The following ABTB3 variants were observed in gnomAD, a reference collection of about 807,000 sequenced individuals.
ABTB3 encodes the protein ankyrin repeat and BTB domain containing 3, also known as ankyrin repeat- and BTB/POZ domain-containing protein 3.
the ABTB3 span, among the ~76,000 whole-genome samples, chr12:107,419,141 A>G: frequency 2.4e-4 from 36 of 152,382 alleles, no homozygotes; most frequent in African/African-American, 8.4e-4. Context: ...ATCAACTCAC[A>G]TGATCACATG....
the ABTB3 span, chr12:107,520,597 T>C: frequency 6.2e-7 from 1 of 1,614,152 alleles, no homozygotes; most frequent in Non-Finnish European, 8.5e-7. Flanking sequence ...CATCGAGCAG[T>C]CTTTGCTGGC....
the ABTB3 span, among the ~76,000 whole-genome samples, chr12:107,602,938 C>T: frequency 6.6e-6 from 1 of 152,176 alleles, no homozygotes; most frequent in Non-Finnish European, 1.5e-5. Flanking sequence ...GGCTGGGGCA[C>T]TTGAGAATCA....
chr12:107,618,333 G>A, the ABTB3 span: 51 of 1,613,650 alleles, frequency 3.2e-5, no homozygotes, highest in African/African-American at 1.7e-4. Flanking sequence ...GTATCACAGC[G>A]CTGAGCATGG....
At chr12:107,469,850 TC>T in the ABTB3 span, among the ~76,000 whole-genome samples, 2 of 149,790 alleles carry the variant, frequency 1.3e-5, no homozygotes, top group East Asian at 2.0e-4. Context: ...TCTCTCTCTT[TC>T]TCTTTCTTTC....
chr12:107,573,474 A>G, the ABTB3 span, among the ~76,000 whole-genome samples: 131 of 127,176 alleles, frequency 1.0e-3, no homozygotes, highest in African/African-American at 2.9e-3. Context: ...CGATGGATGG[A>G]TGGATGGATG....
the ABTB3 span, among the ~76,000 whole-genome samples, chr12:107,385,999 T>G: frequency 3.1e-4 from 46 of 149,508 alleles, no homozygotes; most frequent in East Asian, 8.3e-3. Context: ...CTGGTCCAGC[T>G]CCTGTTGTGT....
At chr12:107,524,355 T>C in the ABTB3 span, among the ~76,000 whole-genome samples, 1 of 152,192 alleles carries the variant, frequency 6.6e-6, no homozygotes, top group African/African-American at 2.4e-5. Context: ...AATACAGCCT[T>C]GCTCTCTGTG....
At chr12:107,344,699 TC>T in the ABTB3 span, among the ~76,000 whole-genome samples, 1 of 152,210 alleles carries the variant, frequency 6.6e-6, no homozygotes, top group East Asian at 1.9e-4. Context: ...ATTTTCCAGA[TC>T]ACATTAAGAT....
the ABTB3 span, chr12:107,649,358 G>A: frequency 8.0e-7 from 1 of 1,244,304 alleles, no homozygotes; most frequent in Non-Finnish European, 1.2e-6. Context: ...AGCCTGCATG[G>A]AAGTGTCTGG....
At chr12:107,507,592 C>T in the ABTB3 span, among the ~76,000 whole-genome samples, 3 of 152,212 alleles carry the variant, frequency 2.0e-5, no homozygotes, top group Non-Finnish European at 4.4e-5. Flanking sequence ...CAGCAAAGCA[C>T]TTGAGCCCCT....
At chr12:107,657,523 A>T in the ABTB3 span, 1 of 1,614,154 alleles carries the variant, frequency 6.2e-7, no homozygotes, top group Non-Finnish European at 8.5e-7. Flanking sequence ...TTGGAGTCAC[A>T]GAGCTCTCAG....
At chr12:107,621,170 T>C in the ABTB3 span, among the ~76,000 whole-genome samples, 2 of 152,146 alleles carry the variant, frequency 1.3e-5, no homozygotes, top group East Asian at 3.9e-4. Flanking sequence ...CGAGTCCCAT[T>C]AGGTGTTCTC....
chr12:107,421,882 G>A, the ABTB3 span, among the ~76,000 whole-genome samples: 3 of 152,146 alleles, frequency 2.0e-5, no homozygotes, highest in East Asian at 1.9e-4. Flanking sequence ...TCAGGCTCTC[G>A]ACAAATACTT....
chr12:107,632,971 A>T, the ABTB3 span, among the ~76,000 whole-genome samples: 5 of 152,170 alleles, frequency 3.3e-5, 1 homozygote, highest in African/African-American at 7.2e-5. Flanking sequence ...TCTCTTTGTC[A>T]TCTTGTTCTC....
At chr12:107,492,790 G>C in the ABTB3 span, among the ~76,000 whole-genome samples, 8,028 of 152,184 alleles carry the variant, frequency 0.053, 316 homozygotes, top group East Asian at 0.19. Flanking sequence ...GCATGTTTAG[G>C]GGACAGCCAC....
At chr12:107,401,785 A>G in the ABTB3 span, among the ~76,000 whole-genome samples, 3 of 152,242 alleles carry the variant, frequency 2.0e-5, no homozygotes, top group Non-Finnish European at 2.9e-5. Context: ...TGCTTTATAC[A>G]TAAGAAAATA....
chr12:107,648,629 G>C, the ABTB3 span, among the ~76,000 whole-genome samples: 4 of 152,152 alleles, frequency 2.6e-5, no homozygotes, highest in Admixed American at 2.6e-4. Context: ...GACATCGTTA[G>C]TGATACACAG....
At chr12:107,649,325 C>G in the ABTB3 span, 13 of 1,531,676 alleles carry the variant, frequency 8.5e-6, no homozygotes, top group Non-Finnish European at 1.2e-5. Context: ...GGGTGAGTGG[C>G]ACTTCTGTAA....
At chr12:107,457,142 G>A in the ABTB3 span, among the ~76,000 whole-genome samples, 16 of 152,210 alleles carry the variant, frequency 1.1e-4, no homozygotes, top group South Asian at 6.2e-4. Context: ...GATTACAGGC[G>A]TAAGCCACCG....
Sources: gnomAD v4.1 joint callset for allele counts (sites outside exome capture counted in the v4.1 genomes callset) on GRCh38, gnomAD v4.1.1 for gene constraint, MANE v1.5 for transcripts, NCBI Gene and HGNC (gene_info 2026-07-23, HGNC 2026-07-21) for gene names.